DLG2: variants seen among roughly 807,000 people sequenced by gnomAD.
DLG2 encodes the protein disks large homolog 2.
A neutral mutation model predicts 132.5 loss-of-function variants in DLG2; 45 were observed. The ratio of observed to expected loss-of-function variants is 0.34; its 90% CI spans 0.27 to 0.44. DLG2 has a LOEUF of 0.44. DLG2 is among the 20% of genes least tolerant of loss of function. DLG2 has a pLI of 1.00. For synonymous variants in DLG2, 424 were observed against 419.6 expected, an observed-to-expected ratio of 1.01 and a Z score of -0.13; for missense variants, 1,045 against 1,196.9, an observed-to-expected ratio of 0.87 and a Z score of 1.87.
intron 18 of DLG2, among the ~76,000 whole-genome samples, chr11:83,642,542 C>T (rs2066879575): frequency 6.6e-6 from 1 of 152,244 alleles, no homozygotes; most frequent in Non-Finnish European, 1.5e-5. Context: ...CCCTAACTAG[C>T]TATTTCATAT....
chr11:84,319,003 A>T (rs2098386918), intron 7 of DLG2, among the ~76,000 whole-genome samples: 1 of 152,220 alleles, frequency 6.6e-6, no homozygotes, highest in Admixed American at 6.5e-5. Context: ...CTAGAAACAT[A>T]AACTATTCCT....
intron 4 of DLG2, among the ~76,000 whole-genome samples, chr11:85,269,963 T>G (rs1275418276): frequency 3.3e-5 from 5 of 152,226 alleles, no homozygotes; most frequent in African/African-American, 4.8e-5. Flanking sequence ...ACACTTAATA[T>G]ATGTAAAGCA....
At chr11:85,600,702 A>C (rs2080090340) in intron 2 of DLG2, among the ~76,000 whole-genome samples, 2 of 152,258 alleles carry the variant, frequency 1.3e-5, no homozygotes, top group Non-Finnish European at 2.9e-5. Context: ...TAATAAAATG[A>C]AAATAAAACA....
At chr11:84,635,942 G>A (rs892000380) in intron 6 of DLG2, among the ~76,000 whole-genome samples, 3 of 152,104 alleles carry the variant, frequency 2.0e-5, no homozygotes, top group Non-Finnish European at 2.9e-5. Flanking sequence ...CAGTTTAATC[G>A]TTAATTAAAG....
chr11:84,616,665 C>A (rs1274864125), intron 6 of DLG2, among the ~76,000 whole-genome samples: 1 of 152,058 alleles, frequency 6.6e-6, no homozygotes, highest in Non-Finnish European at 1.5e-5. Context: ...ACCACTTAGG[C>A]TCAGAATTAG....
At chr11:84,143,309 G>GT (rs1210471284) in intron 9 of DLG2, among the ~76,000 whole-genome samples, 1 of 152,102 alleles carries the variant, frequency 6.6e-6, no homozygotes, top group Non-Finnish European at 1.5e-5. Context: ...TATTAGCTGG[G>GT]TTTTGAATGA....
chr11:85,591,188 C>T (rs949913452), intron 3 of DLG2, among the ~76,000 whole-genome samples: 5 of 152,188 alleles, frequency 3.3e-5, no homozygotes, highest in Admixed American at 6.5e-5. Flanking sequence ...CAACTAATCA[C>T]ACTCAGTATA....
intron 6 of DLG2, among the ~76,000 whole-genome samples, chr11:84,685,419 A>C (rs2099737226): frequency 6.6e-6 from 1 of 152,222 alleles, no homozygotes; most frequent in South Asian, 2.1e-4. Context: ...TTGGGCAAGA[A>C]GTTCCACTGC....
At chr11:83,737,754 C>T (rs1227895897) in intron 18 of DLG2, among the ~76,000 whole-genome samples, 1 of 152,140 alleles carries the variant, frequency 6.6e-6, no homozygotes, top group Non-Finnish European at 1.5e-5. Context: ...GAGATCGAGA[C>T]CATCTTGGTT....
chr11:85,033,088 T>G, intron 6 of DLG2, among the ~76,000 whole-genome samples: 1 of 152,146 alleles, frequency 6.6e-6, no homozygotes. Flanking sequence ...TGTGCTTTGG[T>G]GCAAAAAGTT....
At chr11:83,715,637 G>A (rs930624825) in intron 18 of DLG2, among the ~76,000 whole-genome samples, 8 of 152,072 alleles carry the variant, frequency 5.3e-5, no homozygotes, top group Non-Finnish European at 1.0e-4. Flanking sequence ...CCACTTAACT[G>A]GTTTTACTAC....
chr11:85,143,917 T>C (rs2076666085), intron 5 of DLG2, among the ~76,000 whole-genome samples: 1 of 151,900 alleles, frequency 6.6e-6, no homozygotes, highest in African/African-American at 2.4e-5. Context: ...TTGGATAAAA[T>C]GTTCTATAAT....
chr11:85,466,544 CA>C (rs1344016139), intron 3 of DLG2, among the ~76,000 whole-genome samples: 2 of 152,134 alleles, frequency 1.3e-5, no homozygotes. Flanking sequence ...CCAGTTTTCC[CA>C]GCACCATTTA....
intron 7 of DLG2, among the ~76,000 whole-genome samples, chr11:84,368,273 T>C (rs375250370): frequency 5.3e-5 from 8 of 152,286 alleles, no homozygotes; most frequent in African/African-American, 1.9e-4. Context: ...CAAAATATCT[T>C]ATTTTAGCTT....
At chr11:85,217,316 T>TCACACACACA (rs71895547) in intron 4 of DLG2, among the ~76,000 whole-genome samples, 32,676 of 137,750 alleles carry the variant, frequency 0.24, 4,311 homozygotes, top group Non-Finnish European at 0.32. Context: ...TCTCTCTCTC[T>TCACACACACA]CTCACACACA....
At chr11:85,627,709 A>G (rs1393966886), upstream of DLG2, 1 of 152,222 alleles carries the variant, frequency 6.6e-6, no homozygotes, top group Non-Finnish European at 1.5e-5. Flanking sequence ...CAGAAAAGAC[A>G]AGACATTTCT....
In DLG2 at chr11:85,264,252, C is replaced by G. The variant is rs148454077; in HGVS notation, c.186+20968G>C. 5.3e-5 allele frequency among the ~76,000 whole-genome samples: 8 copies of G among 152,306 alleles called. No homozygotes were observed. The East Asian group carries it at 1.5e-3, about 29-fold the overall frequency. ...AGAAAAGCCTATATCCTCCACCTTT[C>G]TGAGAATATCCTCTTCCTCCCACCT... On this transcript the variant is annotated intron_variant, in intron 4 of 27. Transcript: ENST00000376104.
At chr11:84,052,898 G>A (rs1388997450) in intron 11 of DLG2, among the ~76,000 whole-genome samples, 3 of 152,050 alleles carry the variant, frequency 2.0e-5, no homozygotes, top group Non-Finnish European at 4.4e-5. Context: ...ATTTGACTCA[G>A]CAATCCCACC....
intron 3 of DLG2, among the ~76,000 whole-genome samples, chr11:85,396,152 A>G (rs898137387): frequency 1.3e-5 from 2 of 152,200 alleles, no homozygotes; most frequent in African/African-American, 4.8e-5. Context: ...GACCTACAGC[A>G]AACTCCAACA....
Sources: gnomAD v4.1 joint callset for allele counts (sites outside exome capture counted in the v4.1 genomes callset) on GRCh38, gnomAD v4.1.1 for gene constraint, MANE v1.5 for transcripts, NCBI Gene and HGNC (gene_info 2026-07-23, HGNC 2026-07-21) for gene names.